Variants in PTPN3 observed in about 807,000 individuals in gnomAD.
PTPN3 encodes the protein protein tyrosine phosphatase non-receptor type 3, also known as tyrosine-protein phosphatase non-receptor type 3.
PTPN3 carries 96 observed loss-of-function variants against 132.7 expected under a neutral mutation model. That is an observed-to-expected ratio of 0.72 (90% confidence interval 0.61 to 0.86). The LOEUF is 0.86. Ranked by LOEUF, PTPN3 falls within the 40% of genes least tolerant of loss-of-function variation. PTPN3 has a pLI of 0.00. For missense variants in PTPN3, 1,125 were observed against 1,159.6 expected (o/e 0.97, Z 0.43); for synonymous variants, 398 against 429.0 (o/e 0.93, Z 0.89).
rs560059344 is a variant in PTPN3 at position 109,422,570 on chromosome 9, T to C, written c.1136+148A>G. On this transcript the variant is annotated intron_variant, in intron 13 of 25. Coordinates refer to ENST00000374541, the MANE Select transcript of PTPN3 (RefSeq NM_002829.4). ...AAAACATTTAGCTAGACTTGTGTAC[T>C]TCATGAAAACAGTTACTTCTGCCAA... 2.9e-5 allele frequency: 27 copies of C among 922,132 alleles called. No homozygotes were observed. In the African/African-American group the frequency reaches 4.4e-4, roughly 15 times the overall value. The allele number at this position is 922,132 out of a possible 1,614,324, so 57.1% of individuals were successfully genotyped here.
At chr9:109,422,343 A>G (rs769408296) in intron 13 of PTPN3, among the ~76,000 whole-genome samples, 1 of 152,176 alleles carries the variant, frequency 6.6e-6, no homozygotes, top group Non-Finnish European at 1.5e-5. Flanking sequence ...TTTTCCCTAA[A>G]GTTTATTTTG....
At chr9:109,464,736 T>A (rs951992369) in intron 1 of PTPN3, among the ~76,000 whole-genome samples, 3 of 152,222 alleles carry the variant, frequency 2.0e-5, no homozygotes, top group African/African-American at 7.2e-5. Context: ...CATATACTAC[T>A]ATACAGCAAA....
chr9:109,433,678 G>A (rs1843821516), intron 9 of PTPN3, among the ~76,000 whole-genome samples: 2 of 152,114 alleles, frequency 1.3e-5, no homozygotes, highest in South Asian at 4.1e-4. Context: ...GGCCAAGGAG[G>A]GTGGATCCCT....
intron 1 of PTPN3, among the ~76,000 whole-genome samples, chr9:109,473,806 C>A (rs1473228365): frequency 1.3e-5 from 2 of 152,140 alleles, no homozygotes; most frequent in African/African-American, 4.8e-5. Flanking sequence ...CAGCAGGAGC[C>A]CCTCATGTCC....
intron 1 of PTPN3, among the ~76,000 whole-genome samples, chr9:109,469,452 C>A (rs1239271854): frequency 1.3e-5 from 2 of 152,116 alleles, no homozygotes; most frequent in Non-Finnish European, 2.9e-5. Flanking sequence ...AACCCCGTCT[C>A]TACTAAAAAT....
At chr9:109,537,591 CT>C in the PTPN3 span, among the ~76,000 whole-genome samples, 1 of 152,060 alleles carries the variant, frequency 6.6e-6, no homozygotes, top group African/African-American at 2.4e-5. Flanking sequence ...GTTGTCTTTT[CT>C]TTCTAGTTCT....
intron 19 of PTPN3, among the ~76,000 whole-genome samples, chr9:109,398,656 T>C (rs1840794684): frequency 6.6e-6 from 1 of 152,158 alleles, no homozygotes; most frequent in South Asian, 2.1e-4. Context: ...ATTTTCGAGC[T>C]CTTAACTAAC....
intron 18 of PTPN3, among the ~76,000 whole-genome samples, chr9:109,405,970 G>A (rs1175613933): frequency 6.6e-6 from 1 of 152,172 alleles, no homozygotes; most frequent in Non-Finnish European, 1.5e-5. Context: ...CTGAACCACA[G>A]ACTGGTTATG....
intron 1 of PTPN3, among the ~76,000 whole-genome samples, chr9:109,481,030 C>A (rs1846935142): frequency 6.6e-6 from 1 of 152,166 alleles, no homozygotes; most frequent in African/African-American, 2.4e-5. Context: ...TCTTTCATAA[C>A]AAAGGAAATC....
chr9:109,456,922 T>C (rs995794849), intron 4 of PTPN3, among the ~76,000 whole-genome samples: 1 of 152,102 alleles, frequency 6.6e-6, no homozygotes, highest in African/African-American at 2.4e-5. Flanking sequence ...GAAATGTGGG[T>C]TCCCTCGCTC....
At chr9:109,447,934 G>A (rs1844970135) in intron 6 of PTPN3, among the ~76,000 whole-genome samples, 1 of 152,036 alleles carries the variant, frequency 6.6e-6, no homozygotes, top group Non-Finnish European at 1.5e-5. Flanking sequence ...TTTCCAAGTG[G>A]GACTGTCGGG....
chr9:109,463,671 T>C (rs1845959571), intron 1 of PTPN3, among the ~76,000 whole-genome samples: 1 of 152,248 alleles, frequency 6.6e-6, no homozygotes, highest in Admixed American at 6.5e-5. Flanking sequence ...ACGTGGCTTA[T>C]TTGCATGTCT....
chr9:109,444,070 G>A (rs949774230), intron 7 of PTPN3, among the ~76,000 whole-genome samples: 1 of 152,174 alleles, frequency 6.6e-6, no homozygotes, highest in Admixed American at 6.5e-5. Flanking sequence ...GACCAGAGCA[G>A]GGTGTGTAGT....
rs568416401 is a variant in PTPN3, at chr9:109,443,717, G to T, written c.466+1523C>A. On this transcript the variant is annotated intron_variant, in intron 7 of 25. Transcript: ENST00000374541. ...TGGTGACCATGCCACTTCCCATATG[G>T]ATGTGAAATGGCCGGGCCTGTCCCA... 2.0e-5 allele frequency among the ~76,000 whole-genome samples: 3 copies of T among 152,262 alleles called. No homozygotes were observed. The South Asian group carries it at 6.2e-4, about 32-fold the overall frequency.
intron 24 of PTPN3, among the ~76,000 whole-genome samples, chr9:109,382,015 C>T (rs896254333): frequency 1.3e-5 from 2 of 152,340 alleles, no homozygotes; most frequent in South Asian, 2.1e-4. Context: ...AAGTGCCAAA[C>T]CTATTCCCTT....
At chr9:109,522,062 T>C in the PTPN3 span, among the ~76,000 whole-genome samples, 17 of 152,222 alleles carry the variant, frequency 1.1e-4, no homozygotes, top group Non-Finnish European at 2.1e-4. Flanking sequence ...CTTTATTTGC[T>C]GTCTGATTTG....
chr9:109,381,807 C>G lies in PTPN3; in HGVS notation c.2529-20G>C. ...CCAGCACTGGAGAGGGGAGAGAAGA[C>G]AGACTTGGGATTTGTCTGAGTAGCC... is the stretch of plus-strand genomic sequence containing the variant. On this transcript the variant is annotated intron_variant, in intron 24 of 25. Coordinates refer to ENST00000374541, the MANE Select transcript of PTPN3 (RefSeq NM_002829.4). The G allele has an allele frequency of 6.2e-7, 1 of 1,614,182 alleles. No individual in the cohort carries two copies. Among genetic ancestry groups the G allele is most frequent in the Non-Finnish European group, 8.5e-7 (1 of 1,179,992 alleles).
chr9:109,427,890 G>A (rs1471537340), intron 11 of PTPN3, among the ~76,000 whole-genome samples: 1 of 152,238 alleles, frequency 6.6e-6, no homozygotes, highest in Non-Finnish European at 1.5e-5. Context: ...GAAAGAGCAG[G>A]TGTCTCGGAT....
chr9:109,451,050 A>C (rs1268970892), intron 5 of PTPN3: 9 of 919,548 alleles, frequency 9.8e-6, no homozygotes, highest in Middle Eastern at 5.5e-4. Flanking sequence ...TTTAATTTTT[A>C]ATTTTTTTAA....
Sources: allele counts gnomAD v4.1 joint callset (sites outside exome capture counted in the v4.1 genomes callset), GRCh38; gene constraint gnomAD v4.1.1; transcripts MANE v1.5; gene names NCBI Gene and HGNC (gene_info 2026-07-23, HGNC 2026-07-21).